The following GABRA3 variants were observed in gnomAD, a reference collection of about 807,000 sequenced individuals.
GABRA3 encodes gamma-aminobutyric acid type A receptor subunit alpha3.
In GABRA3, 10 loss-of-function variants were observed where a neutral mutation model predicts 30.1. The observed-to-expected ratio is 0.33, with a 90% CI of 0.20 to 0.56. The LOEUF is 0.56. Ranked by LOEUF, GABRA3 falls within the 20% of genes least tolerant of loss-of-function variation. GABRA3 has a pLI of 0.89. For synonymous variants in GABRA3, 151 were observed against 146.8 expected (o/e 1.03, Z -0.21); for missense variants, 233 against 392.0 (o/e 0.59, Z 3.42).
intron 3 of GABRA3, among the ~76,000 whole-genome samples, chrX:152,318,420 T>A (rs779304006): frequency 1.1e-4 from 12 of 111,890 alleles, no homozygotes; most frequent in African/African-American, 3.6e-4. Context: ...GTACCAATCC[T>A]ATTGACACTA....
intron 5 of GABRA3, among the ~76,000 whole-genome samples, chrX:152,227,598 A>AT (rs766305476): frequency 0.015 from 1,469 of 95,058 alleles, 26 homozygotes; most frequent in African/African-American, 0.041. Flanking sequence ...AATGGGTTAC[A>AT]TTTTTTTTTT....
At chrX:152,315,059 G>C (rs776853630) in intron 3 of GABRA3, among the ~76,000 whole-genome samples, 1 of 111,568 alleles carries the variant, frequency 9.0e-6, no homozygotes, top group South Asian at 3.8e-4. Flanking sequence ...CTCGCACCAT[G>C]AACTTCTGGT....
chrX:152,282,927 T>G (rs1198703605), intron 4 of GABRA3, among the ~76,000 whole-genome samples: 1 of 111,997 alleles, frequency 8.9e-6, no homozygotes, highest in African/African-American at 3.2e-5. Context: ...AGTGAGTGTA[T>G]GTGTGTGTGA....
chrX:152,416,883 A>T (rs1342935960), intron 1 of GABRA3, among the ~76,000 whole-genome samples: 1 of 106,839 alleles, frequency 9.4e-6, no homozygotes, highest in Non-Finnish European at 1.9e-5. Flanking sequence ...TTCAAGATGG[A>T]TTAAAGACTT....
intron 4 of GABRA3, among the ~76,000 whole-genome samples, chrX:152,265,602 G>C (rs1445831420): frequency 1.8e-5 from 2 of 110,937 alleles, no homozygotes; most frequent in African/African-American, 6.5e-5. Flanking sequence ...GAAAAAACAA[G>C]AGCAAACCAA....
chrX:152,414,826 A>G (rs182108904), intron 1 of GABRA3, among the ~76,000 whole-genome samples: 29 of 97,867 alleles, frequency 3.0e-4, no homozygotes, highest in African/African-American at 1.0e-3. Context: ...ATTATTATTC[A>G]CCACTAAAAA....
intron 2 of GABRA3, among the ~76,000 whole-genome samples, chrX:152,363,393 A>C (rs1047850408): frequency 8.9e-6 from 1 of 111,778 alleles, no homozygotes; most frequent in Non-Finnish European, 1.9e-5. Flanking sequence ...GAAAATTACT[A>C]TCTGTTGCAG....
At chrX:152,427,071 T>C (rs933240227) in intron 1 of GABRA3, among the ~76,000 whole-genome samples, 1 of 111,413 alleles carries the variant, frequency 9.0e-6, no homozygotes, top group East Asian at 2.8e-4. Flanking sequence ...TGCCTCCTCA[T>C]TACTGTTCTC....
intron 5 of GABRA3, among the ~76,000 whole-genome samples, chrX:152,248,593 A>C (rs1433609778): frequency 8.9e-6 from 1 of 112,022 alleles, no homozygotes; most frequent in Admixed American, 9.5e-5. Flanking sequence ...AGCAAGAAAT[A>C]CACTTCTATC....
intron 1 of GABRA3, among the ~76,000 whole-genome samples, chrX:152,407,927 A>C (rs781133912): frequency 1.8e-5 from 2 of 112,042 alleles, no homozygotes; most frequent in Non-Finnish European, 3.8e-5. Context: ...TATGCAAACC[A>C]ATCAGTGTGA....
At chrX:152,257,288 C>T (rs941039588) in intron 4 of GABRA3, among the ~76,000 whole-genome samples, 1 of 111,955 alleles carries the variant, frequency 8.9e-6, no homozygotes, top group Admixed American at 9.5e-5. Flanking sequence ...GTCCTGGGAA[C>T]AAGAGAACCA....
At position 152,401,266 on chromosome X, in the gene GABRA3, G is replaced by GTATATATATATATATA. The variant is rs747896105; in HGVS notation, c.-26-36686_-26-36671dup. Among the ~76,000 whole-genome samples the GTATATATATATATATA allele has an allele frequency of 1.6e-3, 155 of 97,299 alleles. 1 individual carries two copies. Among genetic ancestry groups the GTATATATATATATATA allele is most frequent in the African/African-American group, 5.6e-3 (142 of 25,202 alleles). The allele number at this position is 97,299 out of a possible 115,157, so 84.5% of individuals were successfully genotyped here. On this transcript the variant is annotated intron_variant, in intron 1 of 9. Transcript: ENST00000370314. ...TGGAATGTGTGATGATTTAATGTGT[G>GTATATATATATATATA]TATATATATATATATATATATACAC...
intron 6 of GABRA3, among the ~76,000 whole-genome samples, chrX:152,222,239 G>A (rs1937855679): frequency 9.2e-6 from 1 of 108,124 alleles, no homozygotes. Context: ...TGACCCACAC[G>A]CTTTTTACTT....
At chrX:152,373,833 T>C (rs944309547) in intron 1 of GABRA3, among the ~76,000 whole-genome samples, 1 of 105,146 alleles carries the variant, frequency 9.5e-6, no homozygotes, top group African/African-American at 3.5e-5. Context: ...TGTGTCCAAG[T>C]GTCCTCATTG....
At chrX:152,291,049 A>C (rs1328278029) in intron 3 of GABRA3, among the ~76,000 whole-genome samples, 1 of 111,741 alleles carries the variant, frequency 8.9e-6, no homozygotes, top group Non-Finnish European at 1.9e-5. Context: ...CAATTCTGTG[A>C]AGAAAGTCAT....
intron 5 of GABRA3, among the ~76,000 whole-genome samples, chrX:152,249,118 T>C (rs2124408771): frequency 9.0e-6 from 1 of 111,086 alleles, no homozygotes; most frequent in Admixed American, 9.5e-5. Flanking sequence ...ACTGCCATGT[T>C]CCAAAATCTT....
chrX:152,344,008 A>C (rs1363264120), intron 3 of GABRA3, among the ~76,000 whole-genome samples: 1 of 111,322 alleles, frequency 9.0e-6, no homozygotes, highest in Non-Finnish European at 1.9e-5. Context: ...CTATTTTCCC[A>C]GTTCTATCTA....
rs1413933308 is a variant in GABRA3 at position 152,166,731 on chromosome X, T to C, written c.*1497A>G. The C allele has an allele frequency of 9.0e-6, 1 of 110,793 alleles. No homozygotes were observed. Among genetic ancestry groups the C allele is most frequent in the Non-Finnish European group, 1.9e-5 (1 of 52,945 alleles). 9.1% of individuals were successfully genotyped at this position (110,793 alleles called of 1,213,427 possible). A position where few individuals can be genotyped will look rare whatever the true frequency, so the allele number is the denominator to read the frequency against. On this transcript the variant is annotated 3_prime_UTR_variant, in exon 10 of 10. Transcript: ENST00000370314. ...AAAAGTGATCTTCTTGGGTGACACA[T>C]TGTGACTTTCTAAAAACCTTTTTGG...
intron 3 of GABRA3, among the ~76,000 whole-genome samples, chrX:152,287,871 G>C (rs1051139700): frequency 2.2e-4 from 24 of 109,682 alleles, no homozygotes; most frequent in African/African-American, 8.0e-4. Flanking sequence ...TTCCAAATGG[G>C]ATAGAAGTGG....
Sources: allele counts gnomAD v4.1 joint callset (sites outside exome capture counted in the v4.1 genomes callset), GRCh38; gene constraint gnomAD v4.1.1; transcripts MANE v1.5; gene names NCBI Gene and HGNC (gene_info 2026-07-23, HGNC 2026-07-21).